The following GRIN2B variants were observed in gnomAD, a reference collection of about 807,000 sequenced individuals.
The protein encoded by GRIN2B is glutamate receptor ionotropic, NMDA 2B.
GRIN2B carries 5 observed loss-of-function variants against 114.5 expected under a neutral mutation model. The observed-to-expected ratio is 0.04, with a 90% CI of 0.02 to 0.09. The LOEUF is 0.09. Ranked by LOEUF, GRIN2B falls within the 10% of genes least tolerant of loss-of-function variation. The probability of loss-of-function intolerance (pLI) is 1.00; values close to 1 mark genes in which losing one functional copy is unlikely to be tolerated. For missense variants in GRIN2B, 1,108 were observed against 1,943.5 expected (o/e 0.57, Z 8.08); for synonymous variants, 787 against 745.1 (o/e 1.06, Z -0.92).
At position 13,865,791 on chromosome 12, in the gene GRIN2B, T is replaced by G; in HGVS notation, c.411+7A>C. ...CTCAGGCCCTTCTCCCTGCAGCCCC[T>G]TTTTACCTTATCTGCCATTATCATA... On this transcript the variant is annotated splice_region_variant and intron_variant, in intron 3 of 13. Transcript: ENST00000609686. The G allele has an allele frequency of 6.2e-7, 1 of 1,610,256 alleles. No individual in the cohort carries two copies. Among genetic ancestry groups the G allele is most frequent in the Non-Finnish European group, 8.5e-7 (1 of 1,176,772 alleles).
rs1339686262 is a variant in GRIN2B, at chr12:13,807,691, C to T, written c.412-53776G>A. Among the ~76,000 whole-genome samples, 28 of 138,174 alleles carry T rather than the reference C, an allele frequency of 2.0e-4. No homozygotes were observed. In the East Asian group the frequency reaches 3.6e-3, roughly 18 times the overall value. The allele number at this position is 138,174 out of a possible 152,430, so 90.6% of individuals were successfully genotyped here. The stretch of plus-strand genomic sequence containing the variant: ...CTTGTTTCAGAATATTACAAGCAGA[C>T]GTTTATTAAGCAGAAGGCTTTTTTT... On this transcript the variant is annotated intron_variant, in intron 3 of 13. Transcript: ENST00000609686.
rs1384913753 is a variant in GRIN2B, at chr12:13,563,192, A to G, written c.4046T>C (p.Phe1349Ser). 6.2e-7 allele frequency: 1 copy of G among 1,614,162 alleles called. No individual in the cohort carries two copies. Among genetic ancestry groups the G allele is most frequent in the Non-Finnish European group, 8.5e-7 (1 of 1,180,032 alleles). ...GGGCACTGAGGACTTGTTGTTGGCAAAGGTGCTCTCGCCAGCTGACATCTC... is the reference window on the plus strand; with the variant it reads ...GGGCACTGAGGACTTGTTGTTGGCAGAGGTGCTCTCGCCAGCTGACATCTC... ...MFEMSAGESTFANNKSSVPTA... is the reference protein window; with the variant it reads ...MFEMSAGESTSANNKSSVPTA... The change falls in exon 14 of 14, where the codon TTT becomes TCT. Residue 1349 changes from phenylalanine to serine, a missense_variant. This residue lies in a region of GRIN2B where 478 missense variants were observed against 506.0 expected (regional missense o/e 0.94). Coordinates refer to ENST00000609686, the MANE Select transcript of GRIN2B (RefSeq NM_000834.5).
At position 13,720,595 on chromosome 12, in the gene GRIN2B, G is replaced by A. The variant is rs12819090; in HGVS notation, c.1010+32722C>T. On this transcript the variant is annotated intron_variant, in intron 4 of 13. Transcript: ENST00000609686. ...ATTTCTAAAGGGCTAGAAAAGTCTA[G>A]AGTAAGCCTCAATCTTATGGCAATC... is the stretch of plus-strand genomic sequence containing the variant. 3.9e-4 allele frequency among the ~76,000 whole-genome samples: 59 copies of A among 152,060 alleles called. 1 individual carries two copies. The highest frequency in any genetic ancestry group is 1.0e-4 in the Non-Finnish European group (7 of 67,982).
rs73293178 is a variant in GRIN2B, at chr12:13,808,081, T to G, written c.412-54166A>C. Among the ~76,000 whole-genome samples, 587 of 152,224 alleles carry G rather than the reference T, an allele frequency of 3.9e-3. 7 individuals are homozygous for G. The highest frequency in any genetic ancestry group is 0.013 in the African/African-American group (546 of 41,536). Reference sequence around the variant, plus strand: ...GGCCATATACTCTGGCAGCTCTGAATTATTATGTTAGTGTCTAGACTGAGA... The same window carrying G: ...GGCCATATACTCTGGCAGCTCTGAAGTATTATGTTAGTGTCTAGACTGAGA... On this transcript the variant is annotated intron_variant, in intron 3 of 13. Coordinates refer to ENST00000609686, the MANE Select transcript of GRIN2B (RefSeq NM_000834.5).
intron 2 of GRIN2B, among the ~76,000 whole-genome samples, chr12:13,890,682 C>T (rs1471494723): frequency 1.3e-5 from 2 of 152,220 alleles, no homozygotes; most frequent in Middle Eastern, 3.4e-3. Flanking sequence ...GTTTCTCCCA[C>T]GACACCCCTT....
chr12:13,625,469 G>A (rs1008562058), intron 5 of GRIN2B, among the ~76,000 whole-genome samples: 1 of 152,168 alleles, frequency 6.6e-6, no homozygotes, highest in African/African-American at 2.4e-5. Flanking sequence ...GTGTGACCTT[G>A]CATGAATTAT....
intron 5 of GRIN2B, among the ~76,000 whole-genome samples, chr12:13,644,571 C>A (rs1317714834): frequency 1.3e-5 from 2 of 152,046 alleles, no homozygotes; most frequent in African/African-American, 4.8e-5. Context: ...GTCTTTAAAG[C>A]TTTAAAGCCA....
chr12:13,668,704 A>G (rs1362519985), intron 5 of GRIN2B, among the ~76,000 whole-genome samples: 1 of 152,026 alleles, frequency 6.6e-6, no homozygotes, highest in Non-Finnish European at 1.5e-5. Context: ...ACATCAACCC[A>G]ATGTTAGATG....
rs137888907 is a variant in GRIN2B, at chr12:13,773,910, C to T, written c.412-19995G>A. Among the ~76,000 whole-genome samples, 222 of 152,286 alleles carry T rather than the reference C, an allele frequency of 1.5e-3. 2 individuals carry two copies. Among genetic ancestry groups the T allele is most frequent in the African/African-American group, 5.2e-3 (215 of 41,570 alleles). On this transcript the variant is annotated intron_variant, in intron 3 of 13. Coordinates refer to ENST00000609686, the MANE Select transcript of GRIN2B (RefSeq NM_000834.5). ...ACACACCCTAGAACAGAGGTCCTGCCTTGGGAACACTGGGTGAGCAAATGA... is the reference window on the plus strand; with the variant it reads ...ACACACCCTAGAACAGAGGTCCTGCTTTGGGAACACTGGGTGAGCAAATGA...
At chr12:13,920,235 G>GAAGA (rs374007173) in intron 2 of GRIN2B, among the ~76,000 whole-genome samples, 3 of 139,284 alleles carry the variant, frequency 2.2e-5, no homozygotes, top group African/African-American at 8.0e-5. Flanking sequence ...CCTATCTCAA[G>GAAGA]AAAAAAAAAA....
chr12:13,980,178 A>G lies in GRIN2B; in HGVS notation c.-269T>C, dbSNP rs2136882064. 6.6e-6 allele frequency: 1 copy of G among 152,350 alleles called. No individual in the cohort carries two copies. Among genetic ancestry groups the G allele is most frequent in the South Asian group, 2.1e-4 (1 of 4,832 alleles). 9.4% of individuals were successfully genotyped at this position (152,350 alleles called of 1,614,324 possible). Reference sequence around the variant, plus strand: ...TATGGAGAGCAGCTCACAATGCAGAATCCAGAGTAATTATTCCGTGTGCAT... The same window carrying G: ...TATGGAGAGCAGCTCACAATGCAGAGTCCAGAGTAATTATTCCGTGTGCAT... On this transcript the variant is annotated 5_prime_UTR_variant, in exon 2 of 14. Coordinates refer to ENST00000609686, the MANE Select transcript of GRIN2B (RefSeq NM_000834.5).
chr12:13,757,627 C>T (rs1863600538), intron 3 of GRIN2B, among the ~76,000 whole-genome samples: 1 of 152,076 alleles, frequency 6.6e-6, no homozygotes, highest in Non-Finnish European at 1.5e-5. Context: ...GTGAAGAATC[C>T]CAGTCAAATT....
chr12:13,783,396 C>T (rs1864156043), intron 3 of GRIN2B, among the ~76,000 whole-genome samples: 1 of 114,478 alleles, frequency 8.7e-6, no homozygotes, highest in Admixed American at 9.6e-5. Flanking sequence ...CTTTGATCTC[C>T]AAAATATAGG....
intron 4 of GRIN2B, among the ~76,000 whole-genome samples, chr12:13,700,194 TGTATTCCTATTTTCCAGGATTTGAAAGAG>T (rs1281954177): frequency 6.6e-6 from 1 of 152,124 alleles, no homozygotes; most frequent in East Asian, 1.9e-4. Context: ...TTATTCTCAT[TGTATTCCTATTTTCCAGGATTTGAAAGAG>T]AAACTGATGG....
chr12:13,658,155 C>T (rs182263395), intron 5 of GRIN2B, among the ~76,000 whole-genome samples: 11 of 151,334 alleles, frequency 7.3e-5, no homozygotes, highest in South Asian at 2.1e-4. Context: ...TGCGGTGAGC[C>T]GAGATTGTGC....
chr12:13,722,291 C>T lies in GRIN2B; in HGVS notation c.1010+31026G>A, dbSNP rs180840945. On this transcript the variant is annotated intron_variant, in intron 4 of 13. Transcript: ENST00000609686. ...TTTTAATATATAGAATGTACTAGAA[C>T]TTACTTGTGGGTACTTGAAATAATA... 1.3e-3 allele frequency among the ~76,000 whole-genome samples: 193 copies of T among 152,136 alleles called. 5 individuals carry two copies. Among genetic ancestry groups the T allele is most frequent in the Non-Finnish European group, 2.9e-4 (20 of 67,988 alleles).
Position 13,558,589 on chromosome 12 carries a change from G to C in GRIN2B, c.*4194C>G, listed in dbSNP as rs1477627368. Reference sequence around the variant, plus strand: ...ACTCCTGATGGCCACGGAAGACCGGGTGAGTGATAGTCACTTAACTGTATA... The same window carrying C: ...ACTCCTGATGGCCACGGAAGACCGGCTGAGTGATAGTCACTTAACTGTATA... On this transcript the variant is annotated 3_prime_UTR_variant, in exon 14 of 14. Transcript: ENST00000609686. 6.6e-6 allele frequency: 1 copy of C among 152,170 alleles called. No individual in the cohort carries two copies. The highest frequency in any genetic ancestry group is 1.5e-5 in the Non-Finnish European group (1 of 68,044). 9.4% of individuals were successfully genotyped at this position (152,170 alleles called of 1,614,324 possible).
intron 2 of GRIN2B, among the ~76,000 whole-genome samples, chr12:13,901,803 C>G (rs1197426564): frequency 1.3e-5 from 2 of 151,874 alleles, no homozygotes; most frequent in Non-Finnish European, 2.9e-5. Flanking sequence ...AAAAAATTTC[C>G]CTACTCCAAC....
At chr12:13,633,673 T>C (rs79814132) in intron 5 of GRIN2B, among the ~76,000 whole-genome samples, 11,376 of 152,322 alleles carry the variant, frequency 0.075, 600 homozygotes, top group South Asian at 0.12. Context: ...AAAAGTTTCA[T>C]TTGCTCCTAC....
Sources: allele counts gnomAD v4.1 joint callset (sites outside exome capture counted in the v4.1 genomes callset), GRCh38; gene constraint gnomAD v4.1.1; regional missense constraint gnomAD v4.1.1; transcripts MANE v1.5; gene names NCBI Gene and HGNC (gene_info 2026-07-23, HGNC 2026-07-21).